Variants in ACKR2 observed in about 807,000 individuals in gnomAD.
ACKR2 encodes atypical chemokine receptor 2, also known as C-C chemokine receptor D6.
For synonymous variants in ACKR2, 207 were observed against 192.2 expected (o/e 1.08, Z -0.64); for missense variants, 457 against 477.3 (o/e 0.96, Z 0.40).
At chr3:42,833,334 A>G (rs187198938) in intron 2 of ACKR2, among the ~76,000 whole-genome samples, 6 of 152,318 alleles carry the variant, frequency 3.9e-5, no homozygotes, top group African/African-American at 1.4e-4. Context: ...CAACATAACA[A>G]TGAGATATTT....
intron 2 of ACKR2, among the ~76,000 whole-genome samples, chr3:42,847,118 A>G (rs1366696202): frequency 6.6e-6 from 1 of 152,176 alleles, no homozygotes; most frequent in African/African-American, 2.4e-5. Flanking sequence ...CTGGAGAACC[A>G]CTCTGTAATT....
chr3:42,817,389 A>G (rs1700763257), intron 1 of ACKR2, among the ~76,000 whole-genome samples: 1 of 152,110 alleles, frequency 6.6e-6, no homozygotes, highest in African/African-American at 2.4e-5. Flanking sequence ...CACAGAGAGC[A>G]TTGAAAAATT....
intron 2 of ACKR2, among the ~76,000 whole-genome samples, chr3:42,822,874 G>GC (rs1020268020): frequency 6.7e-6 from 1 of 149,564 alleles, no homozygotes; most frequent in African/African-American, 2.5e-5. Flanking sequence ...ATTCCAATCT[G>GC]CCCCCCTTCC....
intron 2 of ACKR2, among the ~76,000 whole-genome samples, chr3:42,824,327 T>C (rs1239073842): frequency 1.3e-5 from 2 of 152,232 alleles, no homozygotes; most frequent in Non-Finnish European, 2.9e-5. Flanking sequence ...AGTCCTTTGT[T>C]GGTTGAATCC....
rs1166552653 is a variant in ACKR2 at position 42,866,577 on chromosome 3, G to C, written c.*920G>C. 6.0e-6 allele frequency: 1 copy of C among 167,042 alleles called. No individual in the cohort carries two copies. The highest frequency in any genetic ancestry group is 1.5e-5 in the Non-Finnish European group (1 of 68,150). 10.3% of individuals were successfully genotyped at this position (167,042 alleles called of 1,614,324 possible). A position where few individuals can be genotyped will look rare whatever the true frequency, so the allele number is the denominator to read the frequency against. ...CTGGCCCCTGTCCTTCCTCTCTCTTGCTCTCCTCCCATCTCATCTGCACCT... is the reference window on the plus strand; with the variant it reads ...CTGGCCCCTGTCCTTCCTCTCTCTTCCTCTCCTCCCATCTCATCTGCACCT... On this transcript the variant is annotated 3_prime_UTR_variant, in exon 3 of 3. Transcript: ENST00000422265.
At chr3:42,811,849 A>G (rs745518389) in intron 1 of ACKR2, among the ~76,000 whole-genome samples, 4 of 152,180 alleles carry the variant, frequency 2.6e-5, no homozygotes, top group Non-Finnish European at 5.9e-5. Flanking sequence ...GGAGAGAAGC[A>G]AAAATCTGGC....
chr3:42,835,718 T>C (rs1559687797), intron 2 of ACKR2: 1 of 152,308 alleles, frequency 6.6e-6, no homozygotes, highest in Non-Finnish European at 1.5e-5. Flanking sequence ...AGTCTCAGCG[T>C]CTGCTCTCTG....
intron 1 of ACKR2, among the ~76,000 whole-genome samples, chr3:42,811,402 A>C (rs1170225470): frequency 6.6e-6 from 1 of 152,206 alleles, no homozygotes; most frequent in Non-Finnish European, 1.5e-5. Context: ...CCTTGTTAAC[A>C]ATATGTTTAC....
intron 1 of ACKR2, among the ~76,000 whole-genome samples, chr3:42,818,461 C>T (rs4683336): frequency 0.62 from 93,645 of 152,062 alleles, 30,293 homozygotes; most frequent in East Asian, 0.81. Context: ...TAGTGATGTG[C>T]TCTGAGCAAA....
chr3:42,854,644 C>A (rs1452911579), intron 2 of ACKR2, among the ~76,000 whole-genome samples: 1 of 152,148 alleles, frequency 6.6e-6, no homozygotes, highest in Non-Finnish European at 1.5e-5. Context: ...CTTTGCTTCC[C>A]AGGACTATGG....
At chr3:42,828,734 G>C (rs569837268) in intron 2 of ACKR2, among the ~76,000 whole-genome samples, 1 of 152,242 alleles carries the variant, frequency 6.6e-6, no homozygotes, top group East Asian at 1.9e-4. Flanking sequence ...CTAATCAGGG[G>C]ATTCTTTTCA....
At chr3:42,822,781 T>A (rs1700821757) in intron 2 of ACKR2, among the ~76,000 whole-genome samples, 1 of 126,532 alleles carries the variant, frequency 7.9e-6, no homozygotes, top group South Asian at 2.4e-4. Context: ...ATCACTGCAC[T>A]GCAGCCTGGG....
intron 2 of ACKR2, among the ~76,000 whole-genome samples, chr3:42,861,873 A>G (rs2088388488): frequency 6.6e-6 from 1 of 152,238 alleles, no homozygotes; most frequent in Non-Finnish European, 1.5e-5. Flanking sequence ...CAAAATAATA[A>G]GAGCTATTGG....
At chr3:42,811,229 G>A (rs1189006081) in intron 1 of ACKR2, among the ~76,000 whole-genome samples, 1 of 152,206 alleles carries the variant, frequency 6.6e-6, no homozygotes. Flanking sequence ...CTGTGTCTAT[G>A]TAGAAAAGGA....
At chr3:42,810,074 G>A (rs2125599901) in intron 1 of ACKR2, among the ~76,000 whole-genome samples, 1 of 152,104 alleles carries the variant, frequency 6.6e-6, no homozygotes, top group African/African-American at 2.4e-5. Flanking sequence ...CCCAACAGCA[G>A]GAAAGAATAA....
At chr3:42,812,680 C>CTTTTTT (rs71616070) in intron 1 of ACKR2, among the ~76,000 whole-genome samples, 7,196 of 72,736 alleles carry the variant, frequency 0.099, 716 homozygotes, top group East Asian at 0.13. Flanking sequence ...AATTTTCAGC[C>CTTTTTT]TTTTTTTTTT....
chr3:42,834,459 T>G (rs111227926), intron 2 of ACKR2: 5,609 of 152,170 alleles, frequency 0.037, 179 homozygotes, highest in African/African-American at 0.083. Flanking sequence ...ACTGCATCCT[T>G]GACATCCTGG....
rs566199413 is a variant in ACKR2, at chr3:42,823,207, T to C, written c.-38+3496T>C. On this transcript the variant is annotated intron_variant, in intron 2 of 2. Transcript: ENST00000422265. The stretch of plus-strand genomic sequence containing the variant: ...TTATCCCTTCCTCTTGTTTTCTTCA[T>C]CTCCGATAAAGCCTAGCATGGAGTG... Among the ~76,000 whole-genome samples, 36 of 152,342 alleles carry C rather than the reference T, an allele frequency of 2.4e-4. No homozygotes were observed. In the South Asian group the frequency reaches 7.0e-3, roughly 30 times the overall value.
At chr3:42,858,092 G>A (rs575656354) in intron 2 of ACKR2, among the ~76,000 whole-genome samples, 10 of 152,362 alleles carry the variant, frequency 6.6e-5, no homozygotes, top group Non-Finnish European at 1.0e-4. Context: ...AGCTATGGGC[G>A]CAGCTTTGGC....
Sources: gnomAD v4.1 joint callset for allele counts (sites outside exome capture counted in the v4.1 genomes callset) on GRCh38, gnomAD v4.1.1 for gene constraint, MANE v1.5 for transcripts, NCBI Gene and HGNC (gene_info 2026-07-23, HGNC 2026-07-21) for gene names.